Variants in ASCC3 observed in about 807,000 individuals in gnomAD.
ASCC3 encodes ASC-1 complex subunit P200.
A neutral mutation model predicts 256.3 loss-of-function variants in ASCC3; 158 were observed. The observed-to-expected ratio is 0.62, with a 90% CI of 0.54 to 0.70. The LOEUF is 0.70. ASCC3 is among the 30% of genes least tolerant of loss of function. The pLI is 0.00. For synonymous variants in ASCC3, 948 were observed against 883.4 expected, an observed-to-expected ratio of 1.07 and a Z score of -1.30; for missense variants, 2,259 against 2,626.0, an observed-to-expected ratio of 0.86 and a Z score of 3.05.
chr6:100,782,794 T>A (rs1336249), intron 8 of ASCC3, among the ~76,000 whole-genome samples: 1 of 151,858 alleles, frequency 6.6e-6, no homozygotes, highest in African/African-American at 2.4e-5. Flanking sequence ...AGCTGCAGAA[T>A]AGTATTATAA....
chr6:100,615,081 T>A (rs1412185142), intron 30 of ASCC3, among the ~76,000 whole-genome samples: 1 of 152,012 alleles, frequency 6.6e-6, no homozygotes, highest in Admixed American at 6.6e-5. Flanking sequence ...AGTGGCGTGA[T>A]TTTGGCTCAC....
At chr6:100,577,723 C>T (rs531432164) in intron 36 of ASCC3, among the ~76,000 whole-genome samples, 1 of 151,350 alleles carries the variant, frequency 6.6e-6, no homozygotes, top group African/African-American at 2.4e-5. Flanking sequence ...TGTGTGTGAA[C>T]ACACACACAC....
rs573965247 is a variant in ASCC3, at chr6:100,680,993, G to C, written c.2152-1241C>G. ...GAAATGAAAAGGGGAATGAGGTCTGGGATTTGACCAGAAAGGAGACAGGGT... is the reference window on the plus strand; with the variant it reads ...GAAATGAAAAGGGGAATGAGGTCTGCGATTTGACCAGAAAGGAGACAGGGT... On this transcript the variant is annotated intron_variant, in intron 13 of 41. Transcript: ENST00000369162. 1.1e-4 allele frequency among the ~76,000 whole-genome samples: 17 copies of C among 152,200 alleles called. No individual in the cohort carries two copies. In the East Asian group the frequency reaches 2.9e-3, roughly 26 times the overall value.
chr6:100,567,798 T>C (rs1462258929), intron 36 of ASCC3, among the ~76,000 whole-genome samples: 2 of 152,160 alleles, frequency 1.3e-5, no homozygotes, highest in Non-Finnish European at 2.9e-5. Context: ...AATCCACTGT[T>C]CATGGGCACT....
intron 34 of ASCC3, among the ~76,000 whole-genome samples, chr6:100,596,033 A>G (rs2114784503): frequency 6.6e-6 from 1 of 152,216 alleles, no homozygotes; most frequent in East Asian, 1.9e-4. Flanking sequence ...GCTTTGGTTT[A>G]AATTCATTGT....
At chr6:100,811,403 A>G (rs1273738267) in intron 4 of ASCC3, among the ~76,000 whole-genome samples, 1 of 152,144 alleles carries the variant, frequency 6.6e-6, no homozygotes, top group East Asian at 1.9e-4. Context: ...GTGAAATTCA[A>G]GTTCAAAATA....
chr6:100,749,098 A>G (rs1171577420), intron 10 of ASCC3, among the ~76,000 whole-genome samples: 1 of 152,000 alleles, frequency 6.6e-6, no homozygotes, highest in Non-Finnish European at 1.5e-5. Flanking sequence ...AAAGGGAACT[A>G]TTTGTTCTCC....
intron 27 of ASCC3, 105 bp downstream of exon 27, chr6:100,628,910 G>T: frequency 9.4e-7 from 1 of 1,064,552 alleles, no homozygotes; most frequent in Non-Finnish European, 1.4e-6. Context: ...ATCACATTGT[G>T]CCCTAGAAAT....
At chr6:100,591,699 A>G (rs1240822869) in intron 34 of ASCC3, among the ~76,000 whole-genome samples, 1 of 152,026 alleles carries the variant, frequency 6.6e-6, no homozygotes, top group African/African-American at 2.4e-5. Flanking sequence ...GAAAGAAGAT[A>G]TTTTGAAAAT....
intron 11 of ASCC3, among the ~76,000 whole-genome samples, chr6:100,720,091 T>C (rs1184439828): frequency 6.6e-6 from 1 of 151,912 alleles, no homozygotes; most frequent in Non-Finnish European, 1.5e-5. Context: ...ACTGGGAACA[T>C]TTGGTAATCA....
intron 13 of ASCC3, among the ~76,000 whole-genome samples, chr6:100,699,489 C>CT (rs1778248189): frequency 2.0e-5 from 3 of 152,132 alleles, no homozygotes. Flanking sequence ...TTAGGTAAGT[C>CT]TTTATCAGCA....
At chr6:100,655,874 C>A in intron 16 of ASCC3, 56 bp from the exon 17 acceptor site, 1 of 1,578,380 alleles carries the variant, frequency 6.3e-7, no homozygotes, top group Non-Finnish European at 8.7e-7. Context: ...ATAAACATTA[C>A]ATCAAAGTCC....
At chr6:100,807,341 A>G (rs968905432) in intron 4 of ASCC3, among the ~76,000 whole-genome samples, 2 of 150,624 alleles carry the variant, frequency 1.3e-5, no homozygotes, top group Admixed American at 6.6e-5. Context: ...TGTGGCAGAA[A>G]GGGTTTAGGA....
intron 36 of ASCC3, among the ~76,000 whole-genome samples, chr6:100,582,638 T>C (rs1771358806): frequency 1.3e-5 from 2 of 151,950 alleles, no homozygotes; most frequent in Admixed American, 1.3e-4. Flanking sequence ...ATAGGAGTGG[T>C]GAGAGAGGGC....
chr6:100,573,702 T>C (rs1770712408), intron 36 of ASCC3, among the ~76,000 whole-genome samples: 1 of 152,126 alleles, frequency 6.6e-6, no homozygotes, highest in Non-Finnish European at 1.5e-5. Flanking sequence ...ATTATATCAC[T>C]AAGCAGAGAC....
At chr6:100,785,148 G>C (rs996504868) in intron 8 of ASCC3, among the ~76,000 whole-genome samples, 4 of 152,212 alleles carry the variant, frequency 2.6e-5, no homozygotes, top group Middle Eastern at 6.8e-3. Context: ...GATGATCTGA[G>C]TAGAGGAAAT....
chr6:100,712,180 C>T (rs1449075738), intron 13 of ASCC3, among the ~76,000 whole-genome samples: 2 of 151,990 alleles, frequency 1.3e-5, no homozygotes, highest in Non-Finnish European at 2.9e-5. Context: ...GATAACATAA[C>T]AGAAAATCAA....
intron 13 of ASCC3, among the ~76,000 whole-genome samples, chr6:100,697,091 T>C (rs766525738): frequency 3.3e-5 from 5 of 152,136 alleles, no homozygotes; most frequent in Non-Finnish European, 7.4e-5. Context: ...AGTCTACTTT[T>C]ATGTAGCAAG....
chr6:100,644,183 T>C (rs984055964), intron 22 of ASCC3, 54 bp from the exon 23 acceptor site: 18 of 1,160,526 alleles, frequency 1.6e-5, no homozygotes, highest in Middle Eastern at 1.9e-4. Context: ...AAATAAGGGA[T>C]AGCATCCAAT....
Sources: allele counts gnomAD v4.1 joint callset (sites outside exome capture counted in the v4.1 genomes callset), GRCh38; gene constraint gnomAD v4.1.1; transcripts MANE v1.5; gene names NCBI Gene and HGNC (gene_info 2026-07-23, HGNC 2026-07-21).